Variants in XKR6 observed in about 807,000 individuals in gnomAD.
XKR6 encodes XK related 6.
XKR6 carries 22 observed loss-of-function variants against 56.7 expected under a neutral mutation model. That is an observed-to-expected ratio of 0.39 (90% CI 0.28 to 0.55). XKR6 has a LOEUF of 0.55. Ranked by LOEUF, XKR6 falls within the 20% of genes least tolerant of loss-of-function variation. The pLI is 0.66. For synonymous variants in XKR6, 524 were observed against 387.8 expected, an observed-to-expected ratio of 1.35 and a Z score of -4.13; for missense variants, 852 against 889.0, an observed-to-expected ratio of 0.96 and a Z score of 0.53.
At chr8:11,060,615 G>A (rs1203340502) in intron 1 of XKR6, among the ~76,000 whole-genome samples, 1 of 152,208 alleles carries the variant, frequency 6.6e-6, no homozygotes, top group Non-Finnish European at 1.5e-5. Flanking sequence ...CAAAGAGGAG[G>A]TTACACTTCC....
At chr8:11,096,535 AG>A (rs2129174547) in intron 1 of XKR6, among the ~76,000 whole-genome samples, 1 of 152,382 alleles carries the variant, frequency 6.6e-6, no homozygotes, top group Non-Finnish European at 1.5e-5. Flanking sequence ...GAACTGAATA[AG>A]GTATCAGACG....
chr8:11,034,843 T>A (rs1249793436), intron 1 of XKR6, among the ~76,000 whole-genome samples: 1 of 152,142 alleles, frequency 6.6e-6, no homozygotes, highest in South Asian at 2.1e-4. Context: ...AGCACACCCA[T>A]CTCCATCCAT....
chr8:11,128,165 C>G (rs752151033), intron 1 of XKR6, among the ~76,000 whole-genome samples: 1 of 152,178 alleles, frequency 6.6e-6, no homozygotes, highest in Admixed American at 6.5e-5. Flanking sequence ...TTTGGTTGAG[C>G]TTTTTCTACT....
rs576599550 is a variant in XKR6, at chr8:10,969,702, C to T, written c.765-44872G>A. On this transcript the variant is annotated intron_variant, in intron 1 of 2. Coordinates refer to ENST00000416569, the MANE Select transcript of XKR6 (RefSeq NM_173683.4). ...GTAACGTTCTTTAACAAGGACTGAA[C>T]GTGAAAGATGGAAACAGGAGCCCCC... is the stretch of plus-strand genomic sequence containing the variant. Among the ~76,000 whole-genome samples, 3 of 152,304 alleles carry T rather than the reference C, an allele frequency of 2.0e-5. No individual in the cohort carries two copies. In the East Asian group the frequency reaches 5.8e-4, roughly 29 times the overall value.
intron 1 of XKR6, among the ~76,000 whole-genome samples, chr8:10,957,735 C>T (rs986612152): frequency 3.9e-5 from 6 of 152,128 alleles, no homozygotes; most frequent in African/African-American, 1.4e-4. Flanking sequence ...CAATGGGGGA[C>T]CTCTCCTCAT....
intron 1 of XKR6, chr8:11,125,730 C>T (rs951419547): frequency 2.6e-5 from 4 of 152,276 alleles, no homozygotes; most frequent in Non-Finnish European, 2.9e-5. Context: ...CTAAATTCCT[C>T]TCCAGGTTAA....
At chr8:10,967,014 G>C (rs2129132547) in intron 1 of XKR6, among the ~76,000 whole-genome samples, 1 of 152,228 alleles carries the variant, frequency 6.6e-6, no homozygotes, top group South Asian at 2.1e-4. Flanking sequence ...CGGAAGCAGA[G>C]ATACCAGCAT....
intron 1 of XKR6, among the ~76,000 whole-genome samples, chr8:11,072,182 C>G (rs1444580651): frequency 6.6e-6 from 1 of 152,170 alleles, no homozygotes; most frequent in Non-Finnish European, 1.5e-5. Flanking sequence ...TCAGCTCCAC[C>G]CCCTCTCTGT....
At chr8:11,108,388 A>AC (rs764752217) in intron 1 of XKR6, 1 of 447,746 alleles carries the variant, frequency 2.2e-6, no homozygotes, top group Middle Eastern at 3.3e-4. Flanking sequence ...TAAATCTGAT[A>AC]CCCCAAGACA....
chr8:11,008,285 G>C (rs887929732), intron 1 of XKR6, among the ~76,000 whole-genome samples: 5 of 152,280 alleles, frequency 3.3e-5, no homozygotes, highest in Middle Eastern at 6.8e-3. Context: ...AGGCCCAAGG[G>C]TGGCCTGAGC....
intron 1 of XKR6, among the ~76,000 whole-genome samples, chr8:10,941,818 C>T (rs1801394001): frequency 6.6e-6 from 1 of 152,192 alleles, no homozygotes; most frequent in Admixed American, 6.5e-5. Context: ...AACCCTTGGG[C>T]TCACAAAGGG....
At chr8:10,973,674 G>A (rs1174551524) in intron 1 of XKR6, among the ~76,000 whole-genome samples, 6 of 151,916 alleles carry the variant, frequency 3.9e-5, no homozygotes, top group Admixed American at 1.3e-4. Flanking sequence ...CTCCACCTCC[G>A]GGGCTCAAAG....
At chr8:10,915,036 A>G (rs1419439724) in intron 2 of XKR6, among the ~76,000 whole-genome samples, 5 of 152,204 alleles carry the variant, frequency 3.3e-5, no homozygotes, top group African/African-American at 1.2e-4. Flanking sequence ...TTGAAGACCA[A>G]TAGAGAGCTG....
chr8:11,128,198 C>G (rs1563157819), intron 1 of XKR6, among the ~76,000 whole-genome samples: 1 of 152,212 alleles, frequency 6.6e-6, no homozygotes, highest in Non-Finnish European at 1.5e-5. Flanking sequence ...CCACACTGAT[C>G]TGGTTTTCAC....
intron 1 of XKR6, among the ~76,000 whole-genome samples, chr8:11,054,796 G>T (rs1308444610): frequency 6.6e-6 from 1 of 152,212 alleles, no homozygotes; most frequent in African/African-American, 2.4e-5. Flanking sequence ...GGCTGCCAGG[G>T]TGGTGCTCAC....
chr8:10,942,520 C>A (rs1726080652), intron 1 of XKR6, among the ~76,000 whole-genome samples: 1 of 152,196 alleles, frequency 6.6e-6, no homozygotes, highest in Non-Finnish European at 1.5e-5. Context: ...CTGTGGCCTC[C>A]ACAGGGAGGC....
chr8:10,919,894 C>T (rs532106451), intron 2 of XKR6, among the ~76,000 whole-genome samples: 1 of 152,224 alleles, frequency 6.6e-6, no homozygotes, highest in African/African-American at 2.4e-5. Context: ...TAAGGAAGAC[C>T]CTGCAGAAAT....
chr8:10,939,765 C>G (rs1801335038), intron 1 of XKR6, among the ~76,000 whole-genome samples: 1 of 152,258 alleles, frequency 6.6e-6, no homozygotes. Context: ...TTCAGGCCTC[C>G]TGGGCACTGT....
chr8:11,115,536 C>G (rs1318671733), intron 1 of XKR6, among the ~76,000 whole-genome samples: 1 of 152,194 alleles, frequency 6.6e-6, no homozygotes, highest in African/African-American at 2.4e-5. Flanking sequence ...TAAATTATCA[C>G]ATATAGTCTA....
Sources: gnomAD v4.1 joint callset for allele counts (sites outside exome capture counted in the v4.1 genomes callset) on GRCh38, gnomAD v4.1.1 for gene constraint, MANE v1.5 for transcripts, NCBI Gene and HGNC (gene_info 2026-07-23, HGNC 2026-07-21) for gene names.